Variants in SH3PXD2B observed in about 807,000 individuals in gnomAD.
The protein encoded by SH3PXD2B is SH3 and PX domains 2B.
A neutral mutation model predicts 73.1 loss-of-function variants in SH3PXD2B; 37 were observed. That is an observed-to-expected ratio of 0.51 (90% confidence interval 0.39 to 0.67). The LOEUF (loss-of-function observed/expected upper bound fraction) is 0.67, where lower values mean the gene tolerates loss of function less well. SH3PXD2B is among the 30% of genes least tolerant of loss of function. The pLI is 0.00. For synonymous variants in SH3PXD2B, 457 were observed against 480.5 expected, an observed-to-expected ratio of 0.95 and a Z score of 0.64; for missense variants, 1,053 against 1,197.8, an observed-to-expected ratio of 0.88 and a Z score of 1.78.
chr5:172,349,856 T>G (rs1757119107), intron 10 of SH3PXD2B, among the ~76,000 whole-genome samples: 1 of 152,002 alleles, frequency 6.6e-6, no homozygotes, highest in Non-Finnish European at 1.5e-5. Flanking sequence ...TCCCCTTTTT[T>G]TTTCTTTTTT....
chr5:172,420,860 A>C (rs527842534), intron 2 of SH3PXD2B, among the ~76,000 whole-genome samples: 1 of 151,868 alleles, frequency 6.6e-6, no homozygotes, highest in South Asian at 2.1e-4. Context: ...GGATCCGAGG[A>C]TAAAGCCAGC....
chr5:172,348,564 T>C (rs1357980327), intron 10 of SH3PXD2B, among the ~76,000 whole-genome samples: 1 of 151,752 alleles, frequency 6.6e-6, no homozygotes, highest in African/African-American at 2.4e-5. Context: ...TGGATGTGTG[T>C]ATATGTGTAT....
chr5:172,401,818 T>C (rs191340311), intron 3 of SH3PXD2B, among the ~76,000 whole-genome samples: 8 of 152,356 alleles, frequency 5.3e-5, no homozygotes, highest in East Asian at 1.9e-4. Flanking sequence ...ATCAATATTC[T>C]TCTGATTTCC....
chr5:172,429,707 C>T lies in SH3PXD2B; in HGVS notation c.76-7211G>A, dbSNP rs141807978. 9.7e-3 allele frequency among the ~76,000 whole-genome samples: 1,473 copies of T among 152,268 alleles called. 11 individuals carry two copies. Among genetic ancestry groups the T allele is most frequent in the African/African-American group, 0.023 (948 of 41,546 alleles). Reference sequence around the variant, plus strand: ...CTGAACTTGGTCTCTTCCAAATCCCCGAGCCAGCAGGCCAGGCTAACACTT... The same window carrying T: ...CTGAACTTGGTCTCTTCCAAATCCCTGAGCCAGCAGGCCAGGCTAACACTT... On this transcript the variant is annotated intron_variant, in intron 1 of 12. Transcript: ENST00000311601.
chr5:172,408,356 C>A (rs1302971828), intron 2 of SH3PXD2B, among the ~76,000 whole-genome samples: 1 of 152,050 alleles, frequency 6.6e-6, no homozygotes. Flanking sequence ...CAGCCTCAAT[C>A]TCCCTGGGCT....
At chr5:172,362,427 A>G (rs1211118058) in intron 7 of SH3PXD2B, among the ~76,000 whole-genome samples, 1 of 152,242 alleles carries the variant, frequency 6.6e-6, no homozygotes, top group African/African-American at 2.4e-5. Context: ...GCAAATCAAC[A>G]GAGCACATTT....
chr5:172,403,378 G>A (rs1437400005), intron 3 of SH3PXD2B, among the ~76,000 whole-genome samples: 2 of 152,186 alleles, frequency 1.3e-5, no homozygotes, highest in African/African-American at 2.4e-5. Flanking sequence ...TGACCCCTAG[G>A]AGAGGGGGCG....
intron 5 of SH3PXD2B, among the ~76,000 whole-genome samples, chr5:172,375,446 C>CT (rs1561911893): frequency 6.6e-6 from 1 of 152,162 alleles, no homozygotes; most frequent in Non-Finnish European, 1.5e-5. Flanking sequence ...GGTTGTCCAA[C>CT]CATCACCAGA....
chr5:172,390,488 A>C (rs1385035471), intron 4 of SH3PXD2B, among the ~76,000 whole-genome samples: 1 of 152,228 alleles, frequency 6.6e-6, no homozygotes, highest in Non-Finnish European at 1.5e-5. Context: ...GGACTCAAGC[A>C]ATCCTCCTGC....
chr5:172,417,203 A>G (rs1241187956), intron 2 of SH3PXD2B, among the ~76,000 whole-genome samples: 1 of 152,218 alleles, frequency 6.6e-6, no homozygotes, highest in African/African-American at 2.4e-5. Flanking sequence ...ATGCACTGGC[A>G]GGACACTGAT....
intron 4 of SH3PXD2B, among the ~76,000 whole-genome samples, chr5:172,394,112 T>A (rs1281103556): frequency 1.3e-5 from 2 of 151,812 alleles, no homozygotes; most frequent in Non-Finnish European, 2.9e-5. Flanking sequence ...CCTGGCTAAT[T>A]TTTGTATTTT....
At chr5:172,416,029 C>T (rs1179542862) in intron 2 of SH3PXD2B, among the ~76,000 whole-genome samples, 1 of 152,128 alleles carries the variant, frequency 6.6e-6, no homozygotes, top group Non-Finnish European at 1.5e-5. Context: ...GGTGAATCTT[C>T]ATAAAGGGGA....
At chr5:172,366,641 T>C (rs1757533194) in intron 6 of SH3PXD2B, among the ~76,000 whole-genome samples, 1 of 152,022 alleles carries the variant, frequency 6.6e-6, no homozygotes, top group Non-Finnish European at 1.5e-5. Context: ...ATTTTATTTA[T>C]TTATTTTTTT....
chr5:172,365,024 C>T (rs1204427624), intron 6 of SH3PXD2B, among the ~76,000 whole-genome samples: 1 of 152,224 alleles, frequency 6.6e-6, no homozygotes, highest in Non-Finnish European at 1.5e-5. Flanking sequence ...GTGAAGGGTA[C>T]TGCTTCTTGG....
intron 4 of SH3PXD2B, among the ~76,000 whole-genome samples, chr5:172,391,768 C>A (rs1224016593): frequency 6.6e-6 from 1 of 152,160 alleles, no homozygotes; most frequent in Admixed American, 6.5e-5. Context: ...ACTGGCCTGG[C>A]CATTTTGTTA....
downstream of SH3PXD2B, among the ~76,000 whole-genome samples, chr5:172,329,121 T>A (rs1223687565): frequency 5.7e-5 from 8 of 141,372 alleles, no homozygotes; most frequent in African/African-American, 2.1e-4. Context: ...TGCTCTGTTG[T>A]CCAGGCTGGA....
intron 1 of SH3PXD2B, among the ~76,000 whole-genome samples, chr5:172,448,668 A>G (rs1328603542): frequency 6.6e-6 from 1 of 152,258 alleles, no homozygotes; most frequent in Non-Finnish European, 1.5e-5. Flanking sequence ...GGGCTGGAGC[A>G]CAGATTCCGT....
At chr5:172,372,553 A>G (rs183130788) in intron 6 of SH3PXD2B, among the ~76,000 whole-genome samples, 3 of 152,250 alleles carry the variant, frequency 2.0e-5, no homozygotes, top group Admixed American at 2.0e-4. Context: ...GAACTAATAT[A>G]CTACTGCTGG....
Position 172,335,591 on chromosome 5 carries a change from A to G in SH3PXD2B, c.*2778T>C. Reference sequence around the variant, plus strand: ...ATTAAAGGAGCGTGTGTGTTTAGGCACTGGTCACCAGCCCGGTGCTTGGCA... The same window carrying G: ...ATTAAAGGAGCGTGTGTGTTTAGGCGCTGGTCACCAGCCCGGTGCTTGGCA... On this transcript the variant is annotated 3_prime_UTR_variant, in exon 13 of 13. Transcript: ENST00000311601. 1 of 1,231,850 alleles carries G rather than the reference A, an allele frequency of 8.1e-7. No individual in the cohort carries two copies. Among genetic ancestry groups the G allele is most frequent in the Non-Finnish European group, 1.0e-6 (1 of 988,052 alleles). 76.3% of individuals were successfully genotyped at this position (1,231,850 alleles called of 1,614,324 possible). A position where few individuals can be genotyped will look rare whatever the true frequency, so the allele number is the denominator to read the frequency against.
Sources: gnomAD v4.1 joint callset for allele counts (sites outside exome capture counted in the v4.1 genomes callset) on GRCh38, gnomAD v4.1.1 for gene constraint, MANE v1.5 for transcripts, NCBI Gene and HGNC (gene_info 2026-07-23, HGNC 2026-07-21) for gene names.